Variants in CIB2 observed in about 807,000 individuals in gnomAD.
CIB2 encodes the protein calcium and integrin binding family member 2, also known as calcium and integrin-binding family member 2.
In CIB2, 19 loss-of-function variants were observed where a neutral mutation model predicts 23.1. The ratio of observed to expected loss-of-function variants is 0.82; its 90% CI spans 0.57 to 1.21. The LOEUF (loss-of-function observed/expected upper bound fraction) is 1.21. CIB2 is among the 50% of genes most tolerant of loss of function. The pLI is 0.00. For synonymous variants in CIB2, 94 were observed against 91.7 expected, an observed-to-expected ratio of 1.03 and a Z score of -0.14; for missense variants, 220 against 241.5, an observed-to-expected ratio of 0.91 and a Z score of 0.59.
intron 1 of CIB2, among the ~76,000 whole-genome samples, chr15:78,130,385 G>A (rs1042500686): frequency 1.3e-5 from 2 of 152,188 alleles, no homozygotes; most frequent in Non-Finnish European, 2.9e-5. Context: ...GACCTGGGGA[G>A]ACTGAGGCTG....
intron 1 of CIB2, among the ~76,000 whole-genome samples, chr15:78,129,292 C>A (rs2141922806): frequency 6.6e-6 from 1 of 152,212 alleles, no homozygotes; most frequent in East Asian, 1.9e-4. Flanking sequence ...TTTCTCCCAC[C>A]CCGCCTGGCA....
chr15:78,110,438 G>A (rs1440952240), intron 3 of CIB2, among the ~76,000 whole-genome samples: 1 of 152,322 alleles, frequency 6.6e-6, no homozygotes, highest in East Asian at 1.9e-4. Flanking sequence ...CAACCAGAGT[G>A]CAGGCCCCAA....
intron 2 of CIB2, among the ~76,000 whole-genome samples, chr15:78,113,015 C>G (rs548557967): frequency 6.6e-6 from 1 of 152,238 alleles, no homozygotes; most frequent in Non-Finnish European, 1.5e-5. Flanking sequence ...CCAAATCACC[C>G]TGAGAGGTAG....
intron 1 of CIB2, among the ~76,000 whole-genome samples, chr15:78,126,503 G>A (rs1201469063): frequency 6.6e-6 from 1 of 152,080 alleles, no homozygotes; most frequent in Non-Finnish European, 1.5e-5. Flanking sequence ...GGAAGCAGAG[G>A]CAAGAAAAGA....
At chr15:78,115,254 T>C (rs2074220434) in intron 2 of CIB2, among the ~76,000 whole-genome samples, 1 of 152,108 alleles carries the variant, frequency 6.6e-6, no homozygotes, top group African/African-American at 2.4e-5. Flanking sequence ...GAAGTAATTA[T>C]TTATTTATTT....
At chr15:78,116,264 A>G (rs1164901799) in intron 2 of CIB2, among the ~76,000 whole-genome samples, 1 of 152,004 alleles carries the variant, frequency 6.6e-6, no homozygotes, top group Non-Finnish European at 1.5e-5. Flanking sequence ...TTTTGAGACC[A>G]GCGTGGGCAA....
At chr15:78,122,782 G>A (rs527696790) in intron 2 of CIB2, among the ~76,000 whole-genome samples, 17 of 152,242 alleles carry the variant, frequency 1.1e-4, no homozygotes, top group Non-Finnish European at 2.2e-4. Flanking sequence ...GGTATCCCCT[G>A]CCCATGCAGG....
chr15:78,125,819 C>A (rs1467421502), intron 1 of CIB2, among the ~76,000 whole-genome samples: 1 of 152,156 alleles, frequency 6.6e-6, no homozygotes, highest in Non-Finnish European at 1.5e-5. Flanking sequence ...TCAGCAGACC[C>A]CAGACAAATT....
chr15:78,105,738 C>T lies in CIB2; in HGVS notation c.542+1G>A, dbSNP rs2074057980. On this transcript the variant is annotated splice_donor_variant, in intron 5 of 5. Transcript: ENST00000258930. LOFTEE classifies it high-confidence loss of function. ...AAGCCCGGCCCCTGTAGTGGCAGCACCTGAGGAAGTCAGGGGCCTTGGCAA... is the reference window on the plus strand; with the variant it reads ...AAGCCCGGCCCCTGTAGTGGCAGCATCTGAGGAAGTCAGGGGCCTTGGCAA... 1.2e-6 allele frequency: 2 copies of T among 1,613,902 alleles called. No individual in the cohort carries two copies. The highest frequency in any genetic ancestry group is 2.7e-5 in the African/African-American group (2 of 74,934).
In CIB2 at chr15:78,131,075, G is replaced by GCT; in HGVS notation, c.51+88_51+89dup. ...GCAGGGTTTGAACCTGGGAGAGCTGGCTCTCGGGAGGCCTCGGCCAGCGAC... is the reference window on the plus strand; with the variant it reads ...GCAGGGTTTGAACCTGGGAGAGCTGGCTCTCTCGGGAGGCCTCGGCCAGCGAC... On this transcript the variant is annotated intron_variant, in intron 1 of 5. Transcript: ENST00000258930. The surrounding 1 kb of genome is among the most constrained non-coding windows in gnomAD (Gnocchi z 5.8). The GCT allele has an allele frequency of 8.3e-7, 1 of 1,198,106 alleles. No homozygotes were observed. Among genetic ancestry groups the GCT allele is most frequent in the Non-Finnish European group, 1.2e-6 (1 of 861,662 alleles). 74.2% of individuals were successfully genotyped at this position (1,198,106 alleles called of 1,614,324 possible).
chr15:78,113,933 G>A (rs949352043), intron 2 of CIB2, among the ~76,000 whole-genome samples: 5 of 152,184 alleles, frequency 3.3e-5, no homozygotes, highest in Non-Finnish European at 5.9e-5. Flanking sequence ...AGTGTTTCTA[G>A]GGGTTGGCCT....
chr15:78,129,514 C>T (rs2074425926), intron 1 of CIB2, among the ~76,000 whole-genome samples: 1 of 152,178 alleles, frequency 6.6e-6, no homozygotes, highest in Non-Finnish European at 1.5e-5. Context: ...CTCCTCTGGG[C>T]CCCACTGGGC....
At chr15:78,105,549 G>A (rs2074053792) in intron 5 of CIB2, 190 bp downstream of exon 5, 2 of 1,479,398 alleles carry the variant, frequency 1.4e-6, no homozygotes, top group Non-Finnish European at 8.9e-7. Context: ...GGGCCCCCAG[G>A]TCTTCAACCT....
chr15:78,121,774 C>T (rs1360032513), intron 2 of CIB2, among the ~76,000 whole-genome samples: 1 of 152,196 alleles, frequency 6.6e-6, no homozygotes, highest in Non-Finnish European at 1.5e-5. Context: ...TTATAAATTA[C>T]CCAGTCTCAG....
At chr15:78,122,270 G>C (rs1312098361) in intron 2 of CIB2, among the ~76,000 whole-genome samples, 1 of 152,218 alleles carries the variant, frequency 6.6e-6, no homozygotes, top group Non-Finnish European at 1.5e-5. Context: ...GGGCAGAGGA[G>C]AGGCGAAGGA....
At chr15:78,109,469 T>A (rs1431209325) in intron 3 of CIB2, 87 bp from the exon 4 acceptor site, 27 of 1,513,618 alleles carry the variant, frequency 1.8e-5, no homozygotes, top group Non-Finnish European at 2.5e-5. Flanking sequence ...TGTGTGACCC[T>A]GGAGGAGTGA....
At chr15:78,123,874 C>G (rs756416499) in intron 1 of CIB2, 135 bp from the exon 2 acceptor site, 9 of 993,120 alleles carry the variant, frequency 9.1e-6, no homozygotes, top group Non-Finnish European at 1.4e-5. Context: ...TCCCTTTCCA[C>G]CTTGCCCTCA....
At chr15:78,120,585 A>G (rs2074303819) in intron 2 of CIB2, 1 of 985,162 alleles carries the variant, frequency 1.0e-6, no homozygotes, top group African/African-American at 1.7e-5. Flanking sequence ...AAGCAAGGTG[A>G]CTGAATAGGG....
chr15:78,116,934 A>T (rs1389969431), intron 2 of CIB2, among the ~76,000 whole-genome samples: 1 of 148,264 alleles, frequency 6.7e-6, no homozygotes, highest in African/African-American at 2.5e-5. Flanking sequence ...TTAATTAAAA[A>T]AAATGAATTC....
Sources: gnomAD v4.1 joint callset for allele counts (sites outside exome capture counted in the v4.1 genomes callset) on GRCh38, gnomAD v4.1.1 for gene constraint, Gnocchi (gnomAD v3.1) non-coding constraint, MANE v1.5 for transcripts, NCBI Gene and HGNC (gene_info 2026-07-23, HGNC 2026-07-21) for gene names.